Variants in ARHGAP8 observed in about 807,000 individuals in gnomAD.
ARHGAP8 encodes the protein rho GTPase-activating protein 8.
In ARHGAP8, 62 loss-of-function variants were observed where a neutral mutation model predicts 46.1. The observed-to-expected ratio is 1.34, with a 90% CI of 1.10 to 1.66. The LOEUF (loss-of-function observed/expected upper bound fraction) is 1.66, where lower values mean the gene tolerates loss of function less well. Ranked by LOEUF, ARHGAP8 falls within the 40% of genes most tolerant of loss-of-function variation. ARHGAP8 has a pLI of 0.00. For synonymous variants in ARHGAP8, 375 were observed against 243.1 expected, an observed-to-expected ratio of 1.54 and a Z score of -5.05; for missense variants, 923 against 568.4, an observed-to-expected ratio of 1.62 and a Z score of -6.34.
At chr22:44,770,417 T>C (rs1359402873) in intron 1 of ARHGAP8, among the ~76,000 whole-genome samples, 1 of 151,796 alleles carries the variant, frequency 6.6e-6, no homozygotes, top group South Asian at 2.1e-4. Flanking sequence ...TTTTTTTTTT[T>C]CTTTTTGAGA....
At chr22:44,798,077 A>G (rs772612537) in intron 2 of ARHGAP8, among the ~76,000 whole-genome samples, 2 of 151,540 alleles carry the variant, frequency 1.3e-5, no homozygotes, top group African/African-American at 2.4e-5. Context: ...CCCGAGTTCA[A>G]GAGATTCTCC....
intron 6 of ARHGAP8, among the ~76,000 whole-genome samples, chr22:44,822,842 C>T (rs1157770217): frequency 1.3e-5 from 2 of 152,198 alleles, no homozygotes; most frequent in Admixed American, 1.3e-4. Flanking sequence ...ATGAAGTGTT[C>T]TCAGGGACGT....
At chr22:44,763,312 C>G (rs183363051) in intron 1 of ARHGAP8, among the ~76,000 whole-genome samples, 3 of 151,766 alleles carry the variant, frequency 2.0e-5, no homozygotes, top group Admixed American at 2.0e-4. Context: ...ACCTGGCCAA[C>G]ATGGTGAAAC....
chr22:44,860,731 A>G (rs2070436451), intron 11 of ARHGAP8, among the ~76,000 whole-genome samples: 1 of 148,626 alleles, frequency 6.7e-6, no homozygotes, highest in Admixed American at 6.7e-5. Flanking sequence ...GCAGGGATCC[A>G]TTTGGAGCAA....
intron 2 of ARHGAP8, among the ~76,000 whole-genome samples, chr22:44,794,446 CA>C (rs1201964999): frequency 1.3e-5 from 2 of 152,132 alleles, no homozygotes; most frequent in Non-Finnish European, 2.9e-5. Flanking sequence ...CACGGTGGCT[CA>C]CACCTGTAAT....
intron 6 of ARHGAP8, among the ~76,000 whole-genome samples, chr22:44,823,781 T>C (rs538681188): frequency 2.0e-4 from 31 of 152,228 alleles, no homozygotes; most frequent in Admixed American, 1.6e-3. Flanking sequence ...GGACGGCATC[T>C]GTGAAACACG....
intron 2 of ARHGAP8, among the ~76,000 whole-genome samples, chr22:44,787,495 C>T (rs1330564943): frequency 1.3e-5 from 2 of 152,156 alleles, no homozygotes; most frequent in Non-Finnish European, 2.9e-5. Context: ...CAGGCGCTCA[C>T]CCCCACACTC....
rs113537652 is a variant in ARHGAP8, at chr22:44,813,276, A to G, written c.300-1396A>G. On this transcript the variant is annotated intron_variant, in intron 4 of 11. Coordinates refer to ENST00000356099, the MANE Select transcript of ARHGAP8 (RefSeq NM_181335.3). Reference sequence around the variant, plus strand: ...CACTTACACACACACACACACCCCTACATACACACATACACACCTGGATAC... The same window carrying G: ...CACTTACACACACACACACACCCCTGCATACACACATACACACCTGGATAC... Among the ~76,000 whole-genome samples the G allele has an allele frequency of 7.1e-3, 1,085 of 151,864 alleles. 7 individuals carry two copies. Among genetic ancestry groups the G allele is most frequent in the African/African-American group, 0.024 (974 of 41,354 alleles).
intron 2 of ARHGAP8, among the ~76,000 whole-genome samples, chr22:44,794,993 A>G (rs1389074980): frequency 6.7e-6 from 1 of 150,222 alleles, no homozygotes; most frequent in Admixed American, 6.7e-5. Context: ...GTAAGTTATG[A>G]TCATGCCACT....
chr22:44,772,380 G>T (rs1368497731), intron 1 of ARHGAP8, among the ~76,000 whole-genome samples: 4 of 136,348 alleles, frequency 2.9e-5, no homozygotes, highest in Non-Finnish European at 4.6e-5. Context: ...AGTAGAGACA[G>T]GGTTTCGCTA....
At chr22:44,807,513 A>G (rs1488290931) in intron 3 of ARHGAP8, among the ~76,000 whole-genome samples, 3 of 152,190 alleles carry the variant, frequency 2.0e-5, no homozygotes, top group Admixed American at 6.5e-5. Context: ...TTAGAAATGC[A>G]GCAGGCAGCC....
intron 9 of ARHGAP8, among the ~76,000 whole-genome samples, chr22:44,848,509 CCTCGCTCCCA>C (rs1379421231): frequency 6.6e-6 from 1 of 152,240 alleles, no homozygotes; most frequent in African/African-American, 2.4e-5. Context: ...CAAGACTTGC[CCTCGCTCCCA>C]CTCGCTCCCG....
chr22:44,773,949 C>T (rs576771533), intron 1 of ARHGAP8, among the ~76,000 whole-genome samples: 25 of 152,162 alleles, frequency 1.6e-4, no homozygotes, highest in Non-Finnish European at 2.8e-4. Flanking sequence ...TACTGCATAC[C>T]AGTCACATAC....
At chr22:44,796,191 C>A (rs1350406072) in intron 2 of ARHGAP8, among the ~76,000 whole-genome samples, 1 of 152,202 alleles carries the variant, frequency 6.6e-6, no homozygotes, top group African/African-American at 2.4e-5. Context: ...AGACGCTGTT[C>A]TGCTCCCGGG....
chr22:44,854,024 C>CAAAAAAAAAAAAAA (rs71315119), intron 10 of ARHGAP8, among the ~76,000 whole-genome samples: 5 of 43,304 alleles, frequency 1.2e-4, no homozygotes, highest in Admixed American at 4.3e-4. Context: ...GACTCTGTCT[C>CAAAAAAAAAAAAAA]AAAAAAAAAA....
chr22:44,822,143 G>A (rs1389397618), intron 5 of ARHGAP8, among the ~76,000 whole-genome samples: 1 of 152,186 alleles, frequency 6.6e-6, no homozygotes, highest in Non-Finnish European at 1.5e-5. Flanking sequence ...TTATGCAGAT[G>A]AGCCACTCCA....
intron 7 of ARHGAP8, among the ~76,000 whole-genome samples, chr22:44,836,104 AAG>A (rs1311261384): frequency 1.3e-5 from 2 of 152,194 alleles, no homozygotes; most frequent in Non-Finnish European, 2.9e-5. Context: ...TCTGCCTGCA[AAG>A]AGGGGCAGCC....
chr22:44,855,069 T>C (rs2070188409), intron 10 of ARHGAP8, among the ~76,000 whole-genome samples: 1 of 152,254 alleles, frequency 6.6e-6, no homozygotes, highest in Non-Finnish European at 1.5e-5. Flanking sequence ...AGAAATGTTT[T>C]ATATAAATGC....
chr22:44,833,344 GTGGTTGGT>G (rs150439071), intron 7 of ARHGAP8, among the ~76,000 whole-genome samples: 4 of 151,694 alleles, frequency 2.6e-5, no homozygotes, highest in African/African-American at 7.3e-5. Flanking sequence ...AGTTTGTTGA[GTGGTTGGT>G]TGGTTGGTTG....
Sources: allele counts gnomAD v4.1 joint callset (sites outside exome capture counted in the v4.1 genomes callset), GRCh38; gene constraint gnomAD v4.1.1; transcripts MANE v1.5; gene names NCBI Gene and HGNC (gene_info 2026-07-23, HGNC 2026-07-21).